The following PLA2G4B variants were observed in gnomAD, a reference collection of about 807,000 sequenced individuals.
The protein encoded by PLA2G4B is cytosolic phospholipase A2 beta.
A neutral mutation model predicts 95.8 loss-of-function variants in PLA2G4B; 122 were observed. The observed-to-expected ratio is 1.27, with a 90% CI of 1.10 to 1.48. PLA2G4B has a LOEUF of 1.48. Ranked by LOEUF, PLA2G4B falls within the 40% of genes most tolerant of loss-of-function variation. The pLI, the probability that PLA2G4B is intolerant of heterozygous loss-of-function variation, is 0.00. For missense variants in PLA2G4B, 1,158 were observed against 996.2 expected (o/e 1.16, Z -2.19); for synonymous variants, 518 against 421.5 (o/e 1.23, Z -2.80).
intron 1 of PLA2G4B, chr15:41,839,716 G>C (rs2065389341): frequency 6.0e-6 from 1 of 166,578 alleles, no homozygotes; most frequent in African/African-American, 2.4e-5. Flanking sequence ...GGTGTGGGCT[G>C]GGGATGTGGG....
At chr15:41,846,176 C>T (rs1177875259) in intron 16 of PLA2G4B, 27 bp from the exon 17 acceptor site, 2 of 1,603,164 alleles carry the variant, frequency 1.2e-6, no homozygotes, top group Non-Finnish European at 1.7e-6. Context: ...TGCAGGAGTC[C>T]CCATTTCCCC....
rs747438041 is a variant in PLA2G4B at position 41,847,870 on chromosome 15, C to G, written c.*10C>G. The G allele has an allele frequency of 1.9e-6, 3 of 1,609,088 alleles. No homozygotes were observed. ...GCGCAGGCCCCACTGATGGCCGGGG[C>G]CCCTGCCACCCCTAACTCTCATTCA... On this transcript the variant is annotated 3_prime_UTR_variant, in exon 20 of 20. Transcript: ENST00000458483.
rs145043086 is a variant in PLA2G4B, at chr15:41,847,380, C to T, written c.1991C>T (p.Pro664Leu). The T allele has an allele frequency of 6.8e-5, 109 of 1,611,216 alleles. No individual in the cohort carries two copies. The highest frequency in any genetic ancestry group is 3.3e-4 in the Middle Eastern group (2 of 6,058). Residue 664 changes from proline (P) to leucine (L), a missense_variant, in exon 19 of 20, where the codon CCG becomes CTG. Physicochemically the swap from Pro to Leu is moderately conservative, Grantham distance 98. Transcript: ENST00000458483. ...CGGTTCTGCCAGGAGCAGGGGATCC[C>T]GTTCCCACCCATCTCGCCCAGCCCC... The part of the protein sequence containing the change: ...LGRFCQEQGI[P>L]FPPISPSPEE...
chr15:41,841,309 TC>T, intron 6 of PLA2G4B, 36 bp downstream of exon 6: 1 of 1,611,094 alleles, frequency 6.2e-7, no homozygotes. Context: ...CGGTCTGGGG[TC>T]CCCGGGACTC....
Position 41,841,056 on chromosome 15 carries a change from G to T in PLA2G4B, c.353G>T (p.Gly118Val), listed in dbSNP as rs1280879427. Residue 118 changes from glycine to valine, a missense_variant and splice_region_variant, in exon 5 of 20, where the codon GGT becomes GTT. Coordinates refer to ENST00000458483, the MANE Select transcript of PLA2G4B (RefSeq NM_001114633.2). ...ACTTACTTCTGGCTCTCTTCCCAGG[G>T]TGAGGGGCGCCTGGAAGTTGAATTT... is the stretch of plus-strand genomic sequence containing the variant. ...RRESFSLSPQ[G>V]EGRLEVEFRL... 1.9e-6 allele frequency: 3 copies of T among 1,579,722 alleles called. No homozygotes were observed. Among genetic ancestry groups the T allele is most frequent in the Non-Finnish European group, 1.7e-6 (2 of 1,160,184 alleles).
intron 12 of PLA2G4B, 62 bp downstream of exon 12, chr15:41,844,669 T>G: frequency 6.2e-7 from 1 of 1,609,756 alleles, no homozygotes; most frequent in Non-Finnish European, 8.5e-7. Context: ...GCCAGGGTTC[T>G]CCTAGGCCTC....
At position 41,846,842 on chromosome 15, in the gene PLA2G4B, A is replaced by C. The variant is rs1265546297; in HGVS notation, c.1947+7A>C. Reference sequence around the variant, plus strand: ...CCTCCACGGAGCCTTCCAGGTTGGGAAGGGTGGGCAGCCCACCAGGGAGGC... The same window carrying C: ...CCTCCACGGAGCCTTCCAGGTTGGGCAGGGTGGGCAGCCCACCAGGGAGGC... On this transcript the variant is annotated splice_region_variant and intron_variant, in intron 18 of 19. Transcript: ENST00000458483. 1 of 1,599,240 alleles carries C rather than the reference A, an allele frequency of 6.3e-7. No individual in the cohort carries two copies. Among genetic ancestry groups the C allele is most frequent in the East Asian group, 2.2e-5 (1 of 44,454 alleles).
Position 41,847,341 on chromosome 15 carries a change from T to A in PLA2G4B, c.1952T>A (p.Leu651Ter). ...DYNLHGAFQQLQLLGRFCQEQ... is the reference protein window; with the variant it reads ...DYNLHGAFQQ ...CCCCTTCTGCCTGCCCTGCAGCAGT[T>A]GCAGCTCCTGGGCCGGTTCTGCCAG... is the stretch of plus-strand genomic sequence containing the variant. Residue 651 changes from leucine to a stop codon, truncating the protein, a stop_gained, in exon 19 of 20, where the codon TTG (leucine) becomes TAG (stop). Coordinates refer to ENST00000458483, the MANE Select transcript of PLA2G4B (RefSeq NM_001114633.2). LOFTEE classifies it high-confidence loss of function. The A allele has an allele frequency of 6.3e-7, 1 of 1,598,906 alleles. No individual in the cohort carries two copies. The highest frequency in any genetic ancestry group is 8.5e-7 in the Non-Finnish European group (1 of 1,171,110).
In PLA2G4B at chr15:41,838,934, CA is replaced by C. The variant is rs764105860; in HGVS notation, c.9+13del. 4 of 1,588,590 alleles carry C rather than the reference CA, an allele frequency of 2.5e-6. No homozygotes were observed. In the Admixed American group the frequency reaches 7.0e-5, roughly 28 times the overall value. On this transcript the variant is annotated intron_variant, in intron 1 of 19. Transcript: ENST00000458483. ...GTCTCATGGCTGTGGTAAGGCCTGG[CA>C]GGGCCCTGGGTCCCTACTGGGACCC...
intron 10 of PLA2G4B, 63 bp downstream of exon 10, chr15:41,842,654 G>A: frequency 5.7e-6 from 9 of 1,587,240 alleles, no homozygotes; most frequent in South Asian, 4.6e-5. Flanking sequence ...GGGGCTGGAG[G>A]AGGCCTGGAG....
In PLA2G4B at chr15:41,842,187, C is replaced by G; in HGVS notation, c.622-6C>G. ...TTCTTAGGTCTGCATTCTTTGTCCCCTGCAGGATGCCCCCGAGGAGCAACT... is the reference window on the plus strand; with the variant it reads ...TTCTTAGGTCTGCATTCTTTGTCCCGTGCAGGATGCCCCCGAGGAGCAACT... On this transcript the variant is annotated splice_region_variant and splice_polypyrimidine_tract_variant and intron_variant, in intron 8 of 19. Coordinates refer to ENST00000458483, the MANE Select transcript of PLA2G4B (RefSeq NM_001114633.2). 6.2e-7 allele frequency: 1 copy of G among 1,613,858 alleles called. No homozygotes were observed. The highest frequency in any genetic ancestry group is 2.2e-5 in the East Asian group (1 of 44,884).
At position 41,845,192 on chromosome 15, in the gene PLA2G4B, T is replaced by C. The variant is rs763558506; in HGVS notation, c.1240-11T>C. 6.2e-7 allele frequency: 1 copy of C among 1,614,118 alleles called. No homozygotes were observed. The highest frequency in any genetic ancestry group is 8.5e-7 in the Non-Finnish European group (1 of 1,179,976). On this transcript the variant is annotated splice_polypyrimidine_tract_variant and intron_variant, in intron 13 of 19. Transcript: ENST00000458483. ...CCGCTGTGGGTTTAGGTTCTACGCATCTTTCCCCAGCCCCATGATCACAAG... is the reference window on the plus strand; with the variant it reads ...CCGCTGTGGGTTTAGGTTCTACGCACCTTTCCCCAGCCCCATGATCACAAG...
rs763530495 is a variant in PLA2G4B at position 41,848,103 on chromosome 15, TGAG to T, written c.*244_*246del. On this transcript the variant is annotated 3_prime_UTR_variant, in exon 20 of 20. Coordinates refer to ENST00000458483, the MANE Select transcript of PLA2G4B (RefSeq NM_001114633.2). ...GCCTGTTTTCCCTTCTGCGCTACCT[TGAG>T]TAGTTGGAGCACTTGATACATCACA... The T allele has an allele frequency of 2.1e-4, 126 of 593,826 alleles. No individual in the cohort carries two copies. The highest frequency in any genetic ancestry group is 1.4e-3 in the Middle Eastern group (3 of 2,204). The allele number at this position is 593,826 out of a possible 1,614,324, so 36.8% of individuals were successfully genotyped here.
intron 12 of PLA2G4B, 69 bp from the exon 13 acceptor site, chr15:41,844,779 C>CCA: frequency 6.5e-7 from 1 of 1,536,388 alleles, no homozygotes; most frequent in Non-Finnish European, 8.8e-7. Flanking sequence ...CTAGAAAGCC[C>CCA]GGGGCACGTG....
rs2065588216 is a variant in PLA2G4B at position 41,847,528 on chromosome 15, GCTGCTGTTCACCTCCCCATC to G, written c.2134+12_2134+31del. The G allele has an allele frequency of 1.2e-6, 2 of 1,602,814 alleles. No homozygotes were observed. On this transcript the variant is annotated splice_donor_region_variant and intron_variant, in intron 19 of 19. Transcript: ENST00000458483. ...TCCGGGAGTACTCGGCCCCTGGTGA[GCTGCTGTTCACCTCCCCATC>G]CTGCTGCCCCAGTCCCCCACACCTC...
At position 41,846,844 on chromosome 15, in the gene PLA2G4B, G is replaced by T; in HGVS notation, c.1947+9G>T. 1 of 1,598,932 alleles carries T rather than the reference G, an allele frequency of 6.3e-7. No homozygotes were observed. Among genetic ancestry groups the T allele is most frequent in the Non-Finnish European group, 8.6e-7 (1 of 1,168,590 alleles). On this transcript the variant is annotated intron_variant, in intron 18 of 19. Coordinates refer to ENST00000458483, the MANE Select transcript of PLA2G4B (RefSeq NM_001114633.2). ...TCCACGGAGCCTTCCAGGTTGGGAA[G>T]GGTGGGCAGCCCACCAGGGAGGCGG...
intron 1 of PLA2G4B, 49 bp downstream of exon 1, chr15:41,838,971 C>T: frequency 6.8e-7 from 1 of 1,478,520 alleles, no homozygotes; most frequent in Non-Finnish European, 9.3e-7. Context: ...CTGGTCTCTA[C>T]CTGGGGCCTA....
intron 5 of PLA2G4B, 50 bp from the exon 6 acceptor site, chr15:41,841,181 G>C: frequency 6.2e-7 from 1 of 1,614,066 alleles, no homozygotes. Flanking sequence ...AGGTCTCTGT[G>C]GGGTGGGAAC....
intron 9 of PLA2G4B, 119 bp downstream of exon 9, chr15:41,842,395 A>G (rs2065449264): frequency 6.5e-7 from 1 of 1,545,818 alleles, no homozygotes; most frequent in Non-Finnish European, 8.7e-7. Context: ...TGCTGGGGCC[A>G]GGCTCTTTGG....
Sources: gnomAD v4.1 joint callset for allele counts on GRCh38, gnomAD v4.1.1 for gene constraint, MANE v1.5 for transcripts, NCBI Gene and HGNC (gene_info 2026-07-23, HGNC 2026-07-21) for gene names.